MGAT4C: variants seen among roughly 807,000 people sequenced by gnomAD.
MGAT4C encodes MGAT4 family member C.
Under a neutral mutation model 40.1 loss-of-function variants are expected in MGAT4C, and 19 were observed. The ratio of observed to expected loss-of-function variants is 0.47; its 90% CI spans 0.33 to 0.70. MGAT4C has a LOEUF of 0.70. Ranked by LOEUF, MGAT4C falls within the 30% of genes least tolerant of loss-of-function variation. The pLI, the probability that MGAT4C is intolerant of heterozygous loss-of-function variation, is 0.02. For synonymous variants in MGAT4C, 181 were observed against 187.1 expected (o/e 0.97, Z 0.27); for missense variants, 491 against 563.2 (o/e 0.87, Z 1.30).
intron 3 of MGAT4C, among the ~76,000 whole-genome samples, chr12:86,426,908 C>T (rs965166523): frequency 4.6e-4 from 70 of 152,182 alleles, no homozygotes; most frequent in Non-Finnish European, 9.1e-4. Context: ...GATCATGCCA[C>T]TGCACTCCAG....
At chr12:86,614,517 G>A (rs1159451744) in intron 2 of MGAT4C, among the ~76,000 whole-genome samples, 2 of 151,954 alleles carry the variant, frequency 1.3e-5, no homozygotes, top group African/African-American at 4.8e-5. Flanking sequence ...CAATTGTGTG[G>A]TAACATGTCA....
At chr12:85,984,709 A>G (rs1465546145) in intron 3 of MGAT4C, among the ~76,000 whole-genome samples, 1 of 152,096 alleles carries the variant, frequency 6.6e-6, no homozygotes, top group African/African-American at 2.4e-5. Flanking sequence ...CCTAATTAGA[A>G]AGAAATATTT....
chr12:86,220,964 C>A (rs1425467613), intron 1 of MGAT4C, among the ~76,000 whole-genome samples: 1 of 152,126 alleles, frequency 6.6e-6, no homozygotes, highest in African/African-American at 2.4e-5. Flanking sequence ...TACAGATGCC[C>A]AACAAACCTA....
chr12:86,425,637 CTGT>C (rs1414109394), intron 3 of MGAT4C, among the ~76,000 whole-genome samples: 2 of 152,216 alleles, frequency 1.3e-5, no homozygotes, highest in African/African-American at 4.8e-5. Flanking sequence ...CATCCTAGCA[CTGT>C]TAAGTTGCAG....
intron 1 of MGAT4C, among the ~76,000 whole-genome samples, chr12:86,146,255 G>A (rs921071705): frequency 6.6e-6 from 1 of 152,078 alleles, no homozygotes; most frequent in East Asian, 1.9e-4. Context: ...ATGGCTGGCG[G>A]GTTATTCTGT....
At chr12:86,003,879 C>T (rs923171924) in intron 2 of MGAT4C, among the ~76,000 whole-genome samples, 2 of 151,964 alleles carry the variant, frequency 1.3e-5, no homozygotes, top group African/African-American at 4.8e-5. Context: ...GTTCATTTTA[C>T]CTTTTAAGTA....
intron 1 of MGAT4C, among the ~76,000 whole-genome samples, chr12:86,092,199 T>C (rs1170436805): frequency 1.3e-5 from 2 of 152,120 alleles, no homozygotes; most frequent in Admixed American, 1.3e-4. Flanking sequence ...GATGGTTAGC[T>C]ACAAGCAAAA....
chr12:86,341,111 A>T (rs967134328), intron 3 of MGAT4C, among the ~76,000 whole-genome samples: 1 of 152,186 alleles, frequency 6.6e-6, no homozygotes, highest in Non-Finnish European at 1.5e-5. Context: ...TCACATTGAC[A>T]TTAATCACAG....
At chr12:86,235,333 T>G (rs1398783606) in intron 1 of MGAT4C, among the ~76,000 whole-genome samples, 1 of 152,090 alleles carries the variant, frequency 6.6e-6, no homozygotes, top group Non-Finnish European at 1.5e-5. Context: ...ATTATCTAGC[T>G]TCAGTCCATC....
At chr12:86,697,774 G>A (rs1950283356) in intron 2 of MGAT4C, among the ~76,000 whole-genome samples, 1 of 152,116 alleles carries the variant, frequency 6.6e-6, no homozygotes, top group African/African-American at 2.4e-5. Context: ...CAGTGACAAA[G>A]GTAATGCAAG....
chr12:86,088,386 A>G (rs1714452151), intron 1 of MGAT4C, among the ~76,000 whole-genome samples: 1 of 152,108 alleles, frequency 6.6e-6, no homozygotes, highest in Admixed American at 6.6e-5. Context: ...ACCTAACTAA[A>G]GAGCTTCTTC....
At chr12:86,682,006 C>T (rs1949991847) in intron 2 of MGAT4C, among the ~76,000 whole-genome samples, 1 of 151,950 alleles carries the variant, frequency 6.6e-6, no homozygotes, top group Non-Finnish European at 1.5e-5. Flanking sequence ...AGACAGCATG[C>T]ACAAAATGGC....
chr12:86,663,366 A>C (rs2136551878), intron 2 of MGAT4C, among the ~76,000 whole-genome samples: 1 of 151,008 alleles, frequency 6.6e-6, no homozygotes, highest in Non-Finnish European at 1.5e-5. Flanking sequence ...AAAAAAAAAA[A>C]AAAAAAAAAG....
At chr12:86,208,926 T>TA (rs1950357768) in intron 1 of MGAT4C, among the ~76,000 whole-genome samples, 1 of 152,184 alleles carries the variant, frequency 6.6e-6, no homozygotes, top group Admixed American at 6.5e-5. Context: ...ATTCGCTACT[T>TA]ACTTCTCTAA....
intron 2 of MGAT4C, among the ~76,000 whole-genome samples, chr12:86,597,969 C>T (rs993863593): frequency 6.6e-6 from 1 of 151,986 alleles, no homozygotes; most frequent in Admixed American, 6.6e-5. Flanking sequence ...CACTGACTCA[C>T]CTAGAGCAAC....
intron 1 of MGAT4C, among the ~76,000 whole-genome samples, chr12:86,150,342 A>G (rs1329407466): frequency 6.6e-6 from 1 of 152,186 alleles, no homozygotes; most frequent in Non-Finnish European, 1.5e-5. Context: ...ACTGAGTATT[A>G]AATGGGTTGA....
intron 1 of MGAT4C, among the ~76,000 whole-genome samples, chr12:86,189,739 A>T (rs879494689): frequency 2.5e-4 from 38 of 152,190 alleles, no homozygotes; most frequent in Admixed American, 4.6e-4. Context: ...AAAGCAAAAC[A>T]AAAACTAAAA....
intron 3 of MGAT4C, among the ~76,000 whole-genome samples, chr12:86,423,834 TA>T (rs1407286056): frequency 3.9e-5 from 6 of 152,150 alleles, no homozygotes; most frequent in Non-Finnish European, 8.8e-5. Context: ...AATGAGAAAG[TA>T]AAAATGAAGT....
At chr12:86,629,054 AG>A (rs1271184475) in intron 2 of MGAT4C, among the ~76,000 whole-genome samples, 2 of 152,142 alleles carry the variant, frequency 1.3e-5, no homozygotes, top group Non-Finnish European at 2.9e-5. Context: ...AAAGGGATGG[AG>A]GAAGATCTAC....
Sources: gnomAD v4.1 joint callset for allele counts (sites outside exome capture counted in the v4.1 genomes callset) on GRCh38, gnomAD v4.1.1 for gene constraint, MANE v1.5 for transcripts, NCBI Gene and HGNC (gene_info 2026-07-23, HGNC 2026-07-21) for gene names.